The following EIF2AK2 variants were observed in gnomAD, a reference collection of about 807,000 sequenced individuals.
EIF2AK2 encodes interferon-induced, double-stranded RNA-activated protein kinase.
Under a neutral mutation model 70.5 loss-of-function variants are expected in EIF2AK2, and 40 were observed. That is an observed-to-expected ratio of 0.57 (90% CI 0.44 to 0.74). The LOEUF is 0.74. Among genes scored for constraint, EIF2AK2 ranks in the 30% least tolerant of loss-of-function variants. The pLI is 0.00. For synonymous variants in EIF2AK2, 198 were observed against 220.9 expected, an observed-to-expected ratio of 0.90 and a Z score of 0.92; for missense variants, 555 against 644.3, an observed-to-expected ratio of 0.86 and a Z score of 1.50.
rs1284306951 is a variant in EIF2AK2, at chr2:37,099,393, G to C, written c.*7880C>G. 1.3e-5 allele frequency: 2 copies of C among 152,174 alleles called. No individual in the cohort carries two copies. The highest frequency in any genetic ancestry group is 2.9e-5 in the Non-Finnish European group (2 of 68,038). 9.4% of individuals were successfully genotyped at this position (152,174 alleles called of 1,614,324 possible). A position where few individuals can be genotyped will look rare whatever the true frequency, so the allele number is the denominator to read the frequency against. ...TACTTTCTGGTATACAAGAAGAACA[G>C]CTTGTCCCCACTCTTACAGTGTAAT... On this transcript the variant is annotated 3_prime_UTR_variant, in exon 17 of 17. Transcript: ENST00000233057.
In EIF2AK2 at chr2:37,102,220, A is replaced by T. The variant is rs1305362618; in HGVS notation, c.*5053T>A. ...GTACCACTGTACTCTGGCCTGGGTGACAGAGTGAGATCCTGTCTCTTAAAA... is the reference window on the plus strand; with the variant it reads ...GTACCACTGTACTCTGGCCTGGGTGTCAGAGTGAGATCCTGTCTCTTAAAA... On this transcript the variant is annotated 3_prime_UTR_variant, in exon 17 of 17. Coordinates refer to ENST00000233057, the MANE Select transcript of EIF2AK2 (RefSeq NM_001135651.3). 6.6e-6 allele frequency: 1 copy of T among 152,160 alleles called. No individual in the cohort carries two copies. Among genetic ancestry groups the T allele is most frequent in the Non-Finnish European group, 1.5e-5 (1 of 68,052 alleles). 9.4% of individuals were successfully genotyped at this position (152,160 alleles called of 1,614,324 possible). A position where few individuals can be genotyped will look rare whatever the true frequency, so the allele number is the denominator to read the frequency against.
intron 11 of EIF2AK2, among the ~76,000 whole-genome samples, chr2:37,125,293 G>A (rs1004207156): frequency 2.6e-5 from 4 of 152,318 alleles, no homozygotes; most frequent in African/African-American, 9.6e-5. Flanking sequence ...TTACAGGCGT[G>A]AGCCACCACA....
intron 14 of EIF2AK2, chr2:37,109,554 T>G (rs1490807720): frequency 5.6e-6 from 2 of 356,072 alleles, no homozygotes; most frequent in South Asian, 4.4e-5. Flanking sequence ...CCACAGAGTT[T>G]GATTGTGAGA....
intron 4 of EIF2AK2, among the ~76,000 whole-genome samples, chr2:37,144,305 C>G (rs935161493): frequency 6.4e-5 from 9 of 140,722 alleles, no homozygotes; most frequent in African/African-American, 2.3e-4. Flanking sequence ...AAGTAACTTA[C>G]TGGTTTATAT....
Position 37,149,042 on chromosome 2 carries a change from G to T in EIF2AK2, c.-183-19C>A. The T allele has an allele frequency of 1.0e-6, 1 of 986,710 alleles. No homozygotes were observed. The highest frequency in any genetic ancestry group is 1.6e-6 in the Non-Finnish European group (1 of 606,998). The allele number at this position is 986,710 out of a possible 1,614,324, so 61.1% of individuals were successfully genotyped here. A position where few individuals can be genotyped will look rare whatever the true frequency, so the allele number is the denominator to read the frequency against. ...CCAGAAACTGGTAAAAGAGAAAAAA[G>T]AAGGCTTAAAAAAATGCAACCGCTG... On this transcript the variant is annotated intron_variant, in intron 1 of 16. Coordinates refer to ENST00000233057, the MANE Select transcript of EIF2AK2 (RefSeq NM_001135651.3).
At chr2:37,123,715 G>T (rs1674634777) in intron 11 of EIF2AK2, among the ~76,000 whole-genome samples, 1 of 152,174 alleles carries the variant, frequency 6.6e-6, no homozygotes, top group Admixed American at 6.5e-5. Flanking sequence ...TTCAATGTGT[G>T]GCAAATATAC....
At chr2:37,130,432 C>A (rs955544206) in intron 10 of EIF2AK2, among the ~76,000 whole-genome samples, 2 of 152,140 alleles carry the variant, frequency 1.3e-5, no homozygotes, top group African/African-American at 4.8e-5. Flanking sequence ...CCCACCCATT[C>A]TCCCCACAAT....
chr2:37,134,123 A>C (rs1229316831), intron 10 of EIF2AK2, among the ~76,000 whole-genome samples: 1 of 152,116 alleles, frequency 6.6e-6, no homozygotes, highest in Non-Finnish European at 1.5e-5. Flanking sequence ...AGAAAACGTA[A>C]CCCTAATCTA....
chr2:37,108,410 G>C (rs1030851757), intron 15 of EIF2AK2, among the ~76,000 whole-genome samples: 9 of 152,090 alleles, frequency 5.9e-5, no homozygotes, highest in Non-Finnish European at 1.2e-4. Context: ...AGATCCTTCA[G>C]AGCCCAGCTT....
intron 8 of EIF2AK2, 83 bp from the exon 9 acceptor site, chr2:37,137,100 T>C (rs1675154920): frequency 1.6e-6 from 2 of 1,214,034 alleles, no homozygotes; most frequent in South Asian, 3.0e-5. Context: ...CCTGTATATC[T>C]AGATGGCTCT....
chr2:37,107,296 T>C lies in EIF2AK2; in HGVS notation c.1633A>G (p.Lys545Glu), dbSNP rs1246541158. Residue 545 changes from lysine to glutamate, a missense_variant, in exon 17 of 17, where the codon AAA becomes GAA. Lys to Glu is a moderately conservative substitution (Grantham distance 56). Coordinates refer to ENST00000233057, the MANE Select transcript of EIF2AK2 (RefSeq NM_001135651.3). The stretch of plus-strand genomic sequence containing the variant: ...CTCTAACATGTGTGTCGTTCATTTT[T>C]CTCTGGGCTTTTCTTCCACACAGTC... ...TLTVWKKSPEKNERHTC is the reference protein window; with the variant it reads ...TLTVWKKSPEENERHTC The C allele has an allele frequency of 6.8e-6, 11 of 1,613,496 alleles. No homozygotes were observed. Among genetic ancestry groups the C allele is most frequent in the Non-Finnish European group, 9.3e-6 (11 of 1,179,902 alleles).
chr2:37,117,019 C>G (rs1674366648), intron 13 of EIF2AK2, among the ~76,000 whole-genome samples: 1 of 152,042 alleles, frequency 6.6e-6, no homozygotes. Context: ...CAAGGCCAAC[C>G]TTGCCAACAT....
rs1049540412 is a variant in EIF2AK2, at chr2:37,151,006, A to G, written c.-183-1983T>C. 3.3e-5 allele frequency among the ~76,000 whole-genome samples: 5 copies of G among 152,206 alleles called. No individual in the cohort carries two copies. In the South Asian group the frequency reaches 6.2e-4, roughly 19 times the overall value. ...AAAACTATAAAACTCTTAGAAGAAA[A>G]TATGGGGGAGATCTTCATGACTTTG... On this transcript the variant is annotated intron_variant, in intron 1 of 16. Coordinates refer to ENST00000233057, the MANE Select transcript of EIF2AK2 (RefSeq NM_001135651.3).
In EIF2AK2 at chr2:37,148,770, A is replaced by G. The variant is rs1045786759; in HGVS notation, c.-17+87T>C. 6 of 822,926 alleles carry G rather than the reference A, an allele frequency of 7.3e-6. No individual in the cohort carries two copies. The South Asian group carries it at 8.1e-5, about 11-fold the overall frequency. The allele number at this position is 822,926 out of a possible 1,614,324, so 51.0% of individuals were successfully genotyped here. On this transcript the variant is annotated intron_variant, in intron 2 of 16. Coordinates refer to ENST00000233057, the MANE Select transcript of EIF2AK2 (RefSeq NM_001135651.3). ...TCGTGTTGTGACCCATTTAACATACACAAAAAACTAGCCCCCCAGAATTTG... is the reference window on the plus strand; with the variant it reads ...TCGTGTTGTGACCCATTTAACATACGCAAAAAACTAGCCCCCCAGAATTTG...
chr2:37,149,386 G>C, intron 1 of EIF2AK2: 1 of 526,804 alleles, frequency 1.9e-6, no homozygotes, highest in Non-Finnish European at 3.3e-6. Flanking sequence ...AAGCTTGATT[G>C]TCAAATGACA....
At position 37,148,791 on chromosome 2, in the gene EIF2AK2, A is replaced by G. The variant is rs1386111073; in HGVS notation, c.-17+66T>C. On this transcript the variant is annotated intron_variant, in intron 2 of 16. Transcript: ENST00000233057. ...ATACACAAAAAACTAGCCCCCCAGAATTTGCATGTAATTGACTTAGATGAT... is the reference window on the plus strand; with the variant it reads ...ATACACAAAAAACTAGCCCCCCAGAGTTTGCATGTAATTGACTTAGATGAT... 4.9e-6 allele frequency: 4 copies of G among 820,142 alleles called. No homozygotes were observed. The Admixed American group carries it at 5.2e-5, about 11-fold the overall frequency. The allele number at this position is 820,142 out of a possible 1,614,324, so 50.8% of individuals were successfully genotyped here.
intron 4 of EIF2AK2, among the ~76,000 whole-genome samples, chr2:37,146,227 G>C (rs1675534855): frequency 6.6e-6 from 1 of 152,144 alleles, no homozygotes; most frequent in Non-Finnish European, 1.5e-5. Flanking sequence ...GTGTGTACTG[G>C]TTGTACCATT....
intron 4 of EIF2AK2, among the ~76,000 whole-genome samples, chr2:37,145,771 TTTTTTTTTTTG>T (rs1287560094): frequency 1.3e-3 from 47 of 35,584 alleles, no homozygotes; most frequent in Middle Eastern, 0.015. Flanking sequence ...TTTTTTTTTT[TTTTTTTTTTTG>T]AGATAGGATC....
At chr2:37,152,045 G>A (rs780623579) in intron 1 of EIF2AK2, among the ~76,000 whole-genome samples, 5 of 152,220 alleles carry the variant, frequency 3.3e-5, no homozygotes, top group Non-Finnish European at 7.3e-5. Flanking sequence ...CAGCCTGCGC[G>A]ACAGAGCGAA....
Sources: gnomAD v4.1 joint callset for allele counts (sites outside exome capture counted in the v4.1 genomes callset) on GRCh38, gnomAD v4.1.1 for gene constraint, MANE v1.5 for transcripts, NCBI Gene and HGNC (gene_info 2026-07-23, HGNC 2026-07-21) for gene names.